PHC2: variants seen among roughly 807,000 people sequenced by gnomAD.
The protein encoded by PHC2 is polyhomeotic-like protein 2.
A neutral mutation model predicts 87.4 loss-of-function variants in PHC2; 29 were observed. The ratio of observed to expected loss-of-function variants is 0.33; its 90% CI spans 0.25 to 0.45. The LOEUF (loss-of-function observed/expected upper bound fraction) is 0.45, where lower values mean the gene tolerates loss of function less well. Among genes scored for constraint, PHC2 ranks in the 20% least tolerant of loss-of-function variants. The pLI, the probability that PHC2 is intolerant of heterozygous loss-of-function variation, is 1.00. For missense variants in PHC2, 857 were observed against 1,136.7 expected (o/e 0.75, Z 3.54); for synonymous variants, 438 against 461.7 (o/e 0.95, Z 0.66).
chr1:33,404,280 A>G (rs572068063), intron 1 of PHC2, among the ~76,000 whole-genome samples: 2 of 152,236 alleles, frequency 1.3e-5, no homozygotes, highest in South Asian at 4.1e-4. Flanking sequence ...AAAATAACTC[A>G]CTTTCTTTTC....
chr1:33,417,075 A>G (rs1258170783), intron 1 of PHC2, among the ~76,000 whole-genome samples: 2 of 152,238 alleles, frequency 1.3e-5, no homozygotes, highest in East Asian at 3.9e-4. Context: ...GATAGGGATA[A>G]GTTAAAGACA....
chr1:33,424,421 G>A (rs1365193353), intron 1 of PHC2, among the ~76,000 whole-genome samples: 1 of 152,156 alleles, frequency 6.6e-6, no homozygotes, highest in Admixed American at 6.5e-5. Flanking sequence ...TTCCTGCGAG[G>A]TTCTCTCTTC....
Position 33,332,621 on chromosome 1 carries a change from C to T in PHC2, c.1762-217G>A, listed in dbSNP as rs763107215. The T allele has an allele frequency of 7.2e-6, 4 of 554,864 alleles. No individual in the cohort carries two copies. Among genetic ancestry groups the T allele is most frequent in the South Asian group, 2.0e-5 (1 of 50,456 alleles). 34.4% of individuals were successfully genotyped at this position (554,864 alleles called of 1,614,324 possible). ...GCTAATGGGCAAAGTACAGGGATGG[C>T]TTCTGTCCAGGACCAACGGATGGCT... On this transcript the variant is annotated intron_variant, in intron 10 of 14. Coordinates refer to ENST00000683057, the MANE Select transcript of PHC2 (RefSeq NM_001385109.1). This position sits in a 1 kb window ranked among gnomAD's most constrained non-coding sequence, Gnocchi z 4.2.
At chr1:33,367,966 G>A (rs545312434) in intron 6 of PHC2, among the ~76,000 whole-genome samples, 46 of 152,320 alleles carry the variant, frequency 3.0e-4, no homozygotes, top group African/African-American at 1.1e-3. Context: ...ACACAGGGAG[G>A]CTGTGCCAGA....
chr1:33,430,746 C>T (rs558635800), intron 1 of PHC2, among the ~76,000 whole-genome samples: 1 of 151,012 alleles, frequency 6.6e-6, no homozygotes, highest in African/African-American at 2.4e-5. Flanking sequence ...GGACTGCGGG[C>T]TCCCAGCGCG....
intron 1 of PHC2, among the ~76,000 whole-genome samples, chr1:33,422,278 T>C (rs2148406309): frequency 6.6e-6 from 1 of 152,272 alleles, no homozygotes; most frequent in South Asian, 2.1e-4. Context: ...TTTCTTTCTT[T>C]AGAAACCTCT....
At chr1:33,385,725 C>A (rs191141436) in intron 1 of PHC2, among the ~76,000 whole-genome samples, 82 of 152,226 alleles carry the variant, frequency 5.4e-4, no homozygotes, top group African/African-American at 1.9e-3. Context: ...AATAAGATCA[C>A]TATCCAAGCC....
Position 33,334,338 on chromosome 1 carries a change from A to G in PHC2, c.1559-46T>C, listed in dbSNP as rs1389903964. 2 of 1,563,110 alleles carry G rather than the reference A, an allele frequency of 1.3e-6. No individual in the cohort carries two copies. The highest frequency in any genetic ancestry group is 1.7e-5 in the Admixed American group (1 of 58,560). On this transcript the variant is annotated intron_variant, in intron 9 of 14. Transcript: ENST00000683057. This position sits in a 1 kb window ranked among gnomAD's most constrained non-coding sequence, Gnocchi z 5.5. ...AAACAAAGCAGGGGAGATCAGAACCAGAGTCCACGCCCAGGGAGGGACAGC... is the reference window on the plus strand; with the variant it reads ...AAACAAAGCAGGGGAGATCAGAACCGGAGTCCACGCCCAGGGAGGGACAGC...
rs752450150 is a variant in PHC2 at position 33,323,763 on chromosome 1, A to G, written c.*1102T>C. On this transcript the variant is annotated 3_prime_UTR_variant, in exon 15 of 15. Transcript: ENST00000683057. ...ACCTCCTTCCTGCAAAGGACACGGCAGGTCAGAGGCAGGCCCTCGCCCTTT... is the reference window on the plus strand; with the variant it reads ...ACCTCCTTCCTGCAAAGGACACGGCGGGTCAGAGGCAGGCCCTCGCCCTTT... 1 of 152,686 alleles carries G rather than the reference A, an allele frequency of 6.5e-6. No homozygotes were observed. Among genetic ancestry groups the G allele is most frequent in the Admixed American group, 6.5e-5 (1 of 15,290 alleles). The allele number at this position is 152,686 out of a possible 1,614,324, so 9.5% of individuals were successfully genotyped here.
intron 1 of PHC2, among the ~76,000 whole-genome samples, chr1:33,415,059 C>G (rs1050278418): frequency 2.0e-5 from 3 of 152,130 alleles, no homozygotes; most frequent in African/African-American, 7.2e-5. Flanking sequence ...ACGAGTGTAC[C>G]AGTTTACTGC....
intron 7 of PHC2, among the ~76,000 whole-genome samples, chr1:33,358,285 C>T (rs1647130937): frequency 6.6e-6 from 1 of 152,132 alleles, no homozygotes; most frequent in East Asian, 1.9e-4. Context: ...TGCTTCCTCT[C>T]CTATCCCATT....
At chr1:33,352,598 G>C (rs1214463600) in intron 9 of PHC2, among the ~76,000 whole-genome samples, 1 of 152,172 alleles carries the variant, frequency 6.6e-6, no homozygotes, top group Non-Finnish European at 1.5e-5. Flanking sequence ...TTATATTTTG[G>C]TTCAAACTAT....
chr1:33,343,314 A>AAT (rs202236953), intron 9 of PHC2, among the ~76,000 whole-genome samples: 14,558 of 151,756 alleles, frequency 0.096, 981 homozygotes, highest in East Asian at 0.26. Context: ...TACAAAAAAA[A>AAT]AAATAAATAA....
intron 7 of PHC2, among the ~76,000 whole-genome samples, chr1:33,362,536 T>G (rs1647218725): frequency 6.6e-6 from 1 of 152,076 alleles, no homozygotes; most frequent in Non-Finnish European, 1.5e-5. Flanking sequence ...GGCAGACAGG[T>G]GGTGGATGTC....
intron 9 of PHC2, chr1:33,335,133 T>G (rs1226736514): frequency 1.0e-6 from 1 of 959,146 alleles, no homozygotes; most frequent in Non-Finnish European, 1.2e-6. Flanking sequence ...CTAAAAGACC[T>G]AACAGAGTGC....
chr1:33,325,611 C>G (rs1646353099), intron 14 of PHC2: 1 of 291,702 alleles, frequency 3.4e-6, no homozygotes, highest in Non-Finnish European at 6.9e-6. Context: ...GATAACCTCT[C>G]TGTTTCTAGT....
chr1:33,395,362 A>G (rs556560706), intron 1 of PHC2, among the ~76,000 whole-genome samples: 21 of 152,300 alleles, frequency 1.4e-4, no homozygotes, highest in South Asian at 1.2e-3. Flanking sequence ...GATTTGTACT[A>G]TATCAATGCA....
rs543036954 is a variant in PHC2, at chr1:33,420,266, C to T, written c.-55+10710G>A. Among the ~76,000 whole-genome samples, 27 of 152,342 alleles carry T rather than the reference C, an allele frequency of 1.8e-4. No homozygotes were observed. The South Asian group carries it at 3.3e-3, about 19-fold the overall frequency. ...GCATTGTATCTACAATGAACTATAA[C>T]ACCACAATAGTGCTAACATACAAAC... On this transcript the variant is annotated intron_variant, in intron 1 of 14. Transcript: ENST00000683057.
chr1:33,371,137 C>G (rs370691099), intron 3 of PHC2, 43 bp from the exon 4 acceptor site: 1 of 1,490,774 alleles, frequency 6.7e-7, no homozygotes, highest in South Asian at 1.1e-5. Flanking sequence ...CCAGACCTCC[C>G]CCAGTCACTC....
Sources: allele counts gnomAD v4.1 joint callset (sites outside exome capture counted in the v4.1 genomes callset), GRCh38; gene constraint gnomAD v4.1.1; non-coding constraint Gnocchi (gnomAD v3.1); transcripts MANE v1.5; gene names NCBI Gene and HGNC (gene_info 2026-07-23, HGNC 2026-07-21).